Variants in OSMR observed in about 807,000 individuals in gnomAD.
OSMR encodes the protein oncostatin-M-specific receptor subunit beta.
Under a neutral mutation model 99.9 loss-of-function variants are expected in OSMR, and 81 were observed. The ratio of observed to expected loss-of-function variants is 0.81; its 90% confidence interval spans 0.68 to 0.97. The LOEUF (loss-of-function observed/expected upper bound fraction) is 0.97, where lower values mean the gene tolerates loss of function less well. Ranked by LOEUF, OSMR falls within the 50% of genes least tolerant of loss-of-function variation. The pLI, the probability that OSMR is intolerant of heterozygous loss-of-function variation, is 0.00. For synonymous variants in OSMR, 406 were observed against 410.4 expected, an observed-to-expected ratio of 0.99 and a Z score of 0.13; for missense variants, 1,099 against 1,153.4, an observed-to-expected ratio of 0.95 and a Z score of 0.68.
chr5:38,933,467 T>C lies in OSMR; in HGVS notation c.*23T>C, dbSNP rs1426352714. 6.2e-7 allele frequency: 1 copy of C among 1,613,604 alleles called. No individual in the cohort carries two copies. The highest frequency in any genetic ancestry group is 1.7e-5 in the Admixed American group (1 of 60,010). On this transcript the variant is annotated 3_prime_UTR_variant, in exon 18 of 18. Transcript: ENST00000274276. ...TAACCAGCATGCCGATTTCATACCT[T>C]ATGCTACACAGACATTAAGAAGAGC...
At chr5:38,918,130 C>T (rs1405358142) in intron 10 of OSMR, among the ~76,000 whole-genome samples, 1 of 152,004 alleles carries the variant, frequency 6.6e-6, no homozygotes. Context: ...GCTCTGGTCT[C>T]AACCTACCCC....
chr5:38,873,400 G>A (rs1361535442), intron 2 of OSMR, among the ~76,000 whole-genome samples: 1 of 152,124 alleles, frequency 6.6e-6, no homozygotes, highest in Non-Finnish European at 1.5e-5. Context: ...ACAAATTTGT[G>A]GGCAATTATT....
At chr5:38,908,199 G>A (rs1419586686) in intron 9 of OSMR, among the ~76,000 whole-genome samples, 1 of 152,150 alleles carries the variant, frequency 6.6e-6, no homozygotes, top group Non-Finnish European at 1.5e-5. Context: ...TGCATGCATG[G>A]ATGCTGGCAA....
intron 1 of OSMR, among the ~76,000 whole-genome samples, chr5:38,848,512 C>T (rs1456700276): frequency 6.6e-6 from 1 of 152,162 alleles, no homozygotes; most frequent in Non-Finnish European, 1.5e-5. Flanking sequence ...CTCATTCTCA[C>T]TCAATATAGA....
chr5:38,851,407 G>C (rs1282154609), intron 1 of OSMR, among the ~76,000 whole-genome samples: 1 of 152,078 alleles, frequency 6.6e-6, no homozygotes, highest in Non-Finnish European at 1.5e-5. Flanking sequence ...GAGATTTACT[G>C]GGGGAAGGAC....
intron 3 of OSMR, 101 bp downstream of exon 3, chr5:38,876,474 AT>A: frequency 1.2e-6 from 1 of 863,760 alleles, no homozygotes; most frequent in Non-Finnish European, 1.9e-6. Flanking sequence ...TTGGAAATAT[AT>A]TAGCAGCTCA....
chr5:38,898,815 A>G lies in OSMR; in HGVS notation c.992-5067A>G, dbSNP rs1744691442. Among the ~76,000 whole-genome samples the G allele has an allele frequency of 2.0e-5, 3 of 152,038 alleles. 1 individual carries two copies. The highest frequency in any genetic ancestry group is 4.1e-4 in the South Asian group (2 of 4,822). ...TTTGAGGTTGCCATGAGGCTTGCAA[A>G]TACTATCTTATAACTCATTATTTTA... On this transcript the variant is annotated intron_variant, in intron 7 of 17. Coordinates refer to ENST00000274276, the MANE Select transcript of OSMR (RefSeq NM_003999.3).
chr5:38,941,197 C>A (rs769629957), intron 1 of OSMR: 48 of 232,906 alleles, frequency 2.1e-4, no homozygotes, highest in Non-Finnish European at 3.4e-4. Flanking sequence ...TACTCATAAA[C>A]CCACCTACCA....
intron 15 of OSMR, among the ~76,000 whole-genome samples, chr5:38,927,827 G>A (rs1746540251): frequency 6.6e-6 from 1 of 152,214 alleles, no homozygotes; most frequent in South Asian, 2.1e-4. Flanking sequence ...CTTTAGTATT[G>A]CATGATCAGG....
chr5:38,863,175 T>TGGGGAG lies in OSMR; in HGVS notation c.-13-5856_-13-5851dup, dbSNP rs1561341204. ...CATGTAAAGAGGGAGAGGGAGACCG[T>TGGGGAG]GGGGAGAGGGAGAGGGAGAGGGGGA... is the stretch of plus-strand genomic sequence containing the variant. On this transcript the variant is annotated intron_variant, in intron 1 of 17. Transcript: ENST00000274276. Among the ~76,000 whole-genome samples the TGGGGAG allele has an allele frequency of 6.4e-4, 33 of 51,474 alleles. 1 individual carries two copies. The highest frequency in any genetic ancestry group is 2.4e-3 in the African/African-American group (30 of 12,334). 33.8% of individuals were successfully genotyped at this position (51,474 alleles called of 152,430 possible).
intron 10 of OSMR, among the ~76,000 whole-genome samples, chr5:38,918,241 A>C (rs1219895859): frequency 6.6e-6 from 1 of 151,998 alleles, no homozygotes; most frequent in Non-Finnish European, 1.5e-5. Flanking sequence ...CCACACCCCA[A>C]GCAGATAGCC....
intron 1 of OSMR, among the ~76,000 whole-genome samples, chr5:38,852,352 T>C (rs1740440970): frequency 6.6e-6 from 1 of 152,218 alleles, no homozygotes. Context: ...TCAAGAGAAA[T>C]ACACATAGAA....
chr5:38,919,517 A>G (rs610912), intron 11 of OSMR: 24,982 of 371,564 alleles, frequency 0.067, 2,475 homozygotes, highest in East Asian at 0.42. Context: ...TTCACCACAG[A>G]CTCTGCCAAC....
intron 11 of OSMR, among the ~76,000 whole-genome samples, chr5:38,919,865 T>C (rs1484739405): frequency 6.6e-6 from 1 of 152,190 alleles, no homozygotes; most frequent in Non-Finnish European, 1.5e-5. Flanking sequence ...TGTTGTTTTG[T>C]TTTATTTTTA....
intron 5 of OSMR, 44 bp from the exon 6 acceptor site, chr5:38,885,305 C>G (rs751647911): frequency 1.2e-6 from 2 of 1,612,072 alleles, no homozygotes. Flanking sequence ...GCTTATCTTC[C>G]AATAAAAAGA....
intron 11 of OSMR, among the ~76,000 whole-genome samples, chr5:38,920,457 C>T (rs1018660573): frequency 1.3e-5 from 2 of 152,132 alleles, no homozygotes; most frequent in Non-Finnish European, 2.9e-5. Context: ...TACTAAGTAT[C>T]AATAAGTCAA....
chr5:38,863,176 G>C lies in OSMR; in HGVS notation c.-13-5856G>C, dbSNP rs1290866988. ...ATGTAAAGAGGGAGAGGGAGACCGT[G>C]GGGAGAGGGAGAGGGAGAGGGGGAG... On this transcript the variant is annotated intron_variant, in intron 1 of 17. Transcript: ENST00000274276. 8.7e-5 allele frequency among the ~76,000 whole-genome samples: 10 copies of C among 114,790 alleles called. No homozygotes were observed. In the East Asian group the frequency reaches 2.3e-3, roughly 26 times the overall value. 75.3% of individuals were successfully genotyped at this position (114,790 alleles called of 152,430 possible).
At chr5:38,908,896 C>T (rs751741256) in intron 9 of OSMR, among the ~76,000 whole-genome samples, 1 of 152,212 alleles carries the variant, frequency 6.6e-6, no homozygotes, top group African/African-American at 2.4e-5. Context: ...AAAGACCACA[C>T]TAGCATCCTA....
intron 7 of OSMR, among the ~76,000 whole-genome samples, chr5:38,896,962 G>A (rs143602651): frequency 6.5e-4 from 98 of 151,920 alleles, no homozygotes; most frequent in Non-Finnish European, 1.2e-3. Context: ...TTATTGATTT[G>A]CATATGTTGA....
Sources: allele counts gnomAD v4.1 joint callset (sites outside exome capture counted in the v4.1 genomes callset), GRCh38; gene constraint gnomAD v4.1.1; transcripts MANE v1.5; gene names NCBI Gene and HGNC (gene_info 2026-07-23, HGNC 2026-07-21).